The following PCDH15 variants were observed in gnomAD, a reference collection of about 807,000 sequenced individuals.
The protein encoded by PCDH15 is protocadherin-15.
In PCDH15, 129 loss-of-function variants were observed where a neutral mutation model predicts 178.5. The observed-to-expected ratio is 0.72, with a 90% confidence interval of 0.63 to 0.84. PCDH15 has a LOEUF of 0.84. PCDH15 is among the 40% of genes least tolerant of loss of function. PCDH15 has a pLI of 0.00. For synonymous variants in PCDH15, 800 were observed against 732.0 expected (o/e 1.09, Z -1.50); for missense variants, 2,230 against 2,099.9 (o/e 1.06, Z -1.21).
At chr10:55,191,974 T>C (rs1430747786) in intron 1 of PCDH15, among the ~76,000 whole-genome samples, 1 of 151,926 alleles carries the variant, frequency 6.6e-6, no homozygotes, top group Non-Finnish European at 1.5e-5. Flanking sequence ...AAAATAGACG[T>C]TGTCACACTT....
chr10:54,542,857 A>G (rs1590001945), intron 2 of PCDH15, among the ~76,000 whole-genome samples: 1 of 152,066 alleles, frequency 6.6e-6, no homozygotes, highest in South Asian at 2.1e-4. Context: ...ATTTTCCAAG[A>G]CCACCCTGGC....
chr10:54,786,031 C>T (rs1458615714), intron 1 of PCDH15, among the ~76,000 whole-genome samples: 2 of 151,934 alleles, frequency 1.3e-5, no homozygotes, highest in African/African-American at 4.8e-5. Flanking sequence ...AGTGTCCACA[C>T]TTATGATATA....
At chr10:54,992,348 G>A (rs1305157226) in intron 2 of PCDH15, among the ~76,000 whole-genome samples, 1 of 152,126 alleles carries the variant, frequency 6.6e-6, no homozygotes, top group Non-Finnish European at 1.5e-5. Context: ...ACTTCGTAAC[G>A]AAGGATACGA....
At chr10:53,886,443 C>T (rs772930269) in intron 26 of PCDH15, among the ~76,000 whole-genome samples, 1 of 152,214 alleles carries the variant, frequency 6.6e-6, no homozygotes, top group South Asian at 2.1e-4. Context: ...ATTAACCTTT[C>T]TTTCACAGTC....
At chr10:55,354,629 C>T (rs1845029470) in intron 2 of PCDH15, among the ~76,000 whole-genome samples, 1 of 152,004 alleles carries the variant, frequency 6.6e-6, no homozygotes, top group Admixed American at 6.6e-5. Context: ...ATATTCCTGA[C>T]TTACTGACTT....
chr10:54,080,374 A>G (rs16937890), intron 16 of PCDH15, among the ~76,000 whole-genome samples: 10,409 of 152,164 alleles, frequency 0.068, 473 homozygotes, highest in East Asian at 0.24. Flanking sequence ...TTGCTCTCTA[A>G]TGTAGGTTCT....
chr10:54,090,158 T>C (rs1362821277), intron 15 of PCDH15, 95 bp from the exon 16 acceptor site: 1 of 929,746 alleles, frequency 1.1e-6, no homozygotes, highest in Non-Finnish European at 1.7e-6. Context: ...TAGCACAGAA[T>C]GTCCATGACA....
At chr10:55,150,405 A>C (rs1838676301) in intron 2 of PCDH15, among the ~76,000 whole-genome samples, 1 of 152,186 alleles carries the variant, frequency 6.6e-6, no homozygotes, top group South Asian at 2.1e-4. Flanking sequence ...CAAAGTCAAA[A>C]TAAAGAGTAA....
chr10:54,002,973 C>A (rs1208907272), intron 20 of PCDH15, among the ~76,000 whole-genome samples: 1 of 152,178 alleles, frequency 6.6e-6, no homozygotes, highest in Admixed American at 6.5e-5. Context: ...GCTGCTCACT[C>A]TCCTGGTCTG....
intron 2 of PCDH15, among the ~76,000 whole-genome samples, chr10:55,129,823 T>C (rs1284844544): frequency 6.6e-6 from 1 of 152,168 alleles, no homozygotes; most frequent in Admixed American, 6.6e-5. Context: ...AAACATCAAA[T>C]TTTTTATTCC....
intron 1 of PCDH15, among the ~76,000 whole-genome samples, chr10:55,227,452 TCTTAAGGTAAGAATTGATTGATTCCC>T (rs1841082618): frequency 2.1e-5 from 1 of 47,690 alleles, no homozygotes; most frequent in Non-Finnish European, 4.5e-5. Context: ...AAACATAGGA[TCTTAAGGTAAGAATTGATTGATTCCC>T]AGGATAACTG....
In PCDH15 at chr10:54,675,060, C is replaced by T. The variant is rs921467594; in HGVS notation, c.-28-10770G>A. ...CAAAATTACCAAACTGAAAAGTAGT[C>T]GTTCTCTCTCTTAGTGTCAATGCTA... On this transcript the variant is annotated intron_variant, in intron 1 of 37. Coordinates refer to ENST00000644397, the MANE Select transcript of PCDH15 (RefSeq NM_001384140.1). Among the ~76,000 whole-genome samples, 8 of 152,100 alleles carry T rather than the reference C, an allele frequency of 5.3e-5. No individual in the cohort carries two copies. In the East Asian group the frequency reaches 1.4e-3, roughly 26 times the overall value.
intron 26 of PCDH15, among the ~76,000 whole-genome samples, chr10:53,886,043 T>C (rs2081071577): frequency 6.6e-6 from 1 of 152,166 alleles, no homozygotes; most frequent in South Asian, 2.1e-4. Flanking sequence ...GTATGCACTG[T>C]GCATGCTGTT....
chr10:54,878,580 T>G (rs1371683037), intron 3 of PCDH15, among the ~76,000 whole-genome samples: 1 of 152,190 alleles, frequency 6.6e-6, no homozygotes, highest in Admixed American at 6.5e-5. Context: ...TCTTTTTTTT[T>G]GTATTCTTCT....
At chr10:54,816,045 G>C (rs1216053822) in intron 3 of PCDH15, among the ~76,000 whole-genome samples, 1 of 151,998 alleles carries the variant, frequency 6.6e-6, no homozygotes, top group Non-Finnish European at 1.5e-5. Flanking sequence ...ATTTTTGGTG[G>C]TGTAGGTGTT....
At chr10:54,524,695 A>C (rs190520427) in intron 3 of PCDH15, among the ~76,000 whole-genome samples, 43 of 152,274 alleles carry the variant, frequency 2.8e-4, no homozygotes, top group Admixed American at 1.4e-3. Context: ...GTTTCTCTAA[A>C]TCCATTCTCC....
intron 2 of PCDH15, among the ~76,000 whole-genome samples, chr10:55,124,898 T>C (rs1837858434): frequency 6.6e-6 from 1 of 151,826 alleles, no homozygotes; most frequent in African/African-American, 2.4e-5. Flanking sequence ...ACAATAGAGG[T>C]AGAGTTCCAA....
chr10:55,376,782 G>A (rs1399372747), intron 2 of PCDH15, among the ~76,000 whole-genome samples: 1 of 151,974 alleles, frequency 6.6e-6, no homozygotes, highest in African/African-American at 2.4e-5. Flanking sequence ...GAAATATGTA[G>A]ATCCTTTGTG....
rs183129020 is a variant in PCDH15, at chr10:55,305,730, T to A, written c.-156+13869A>T. The stretch of plus-strand genomic sequence containing the variant: ...GGCAGTGCTTCACTGAGAATGTCAA[T>A]TTTCCCATTTGTAAAATAGGAATGA... On this transcript the variant is annotated intron_variant, in intron 1 of 5. Transcript: ENST00000458638. 7.2e-4 allele frequency among the ~76,000 whole-genome samples: 110 copies of A among 152,326 alleles called. 1 individual carries two copies. The highest frequency in any genetic ancestry group is 3.1e-3 in the South Asian group (15 of 4,828).
Sources: gnomAD v4.1 joint callset for allele counts (sites outside exome capture counted in the v4.1 genomes callset) on GRCh38, gnomAD v4.1.1 for gene constraint, MANE v1.5 for transcripts, NCBI Gene and HGNC (gene_info 2026-07-23, HGNC 2026-07-21) for gene names.